TRAPPC12: variants seen among roughly 807,000 people sequenced by gnomAD.
TRAPPC12 encodes the protein trafficking protein particle complex subunit 12.
Under a neutral mutation model 69.2 loss-of-function variants are expected in TRAPPC12, and 61 were observed. The observed-to-expected ratio is 0.88, with a 90% CI of 0.72 to 1.09. The LOEUF is 1.09. Among genes scored for constraint, TRAPPC12 ranks in the 50% least tolerant of loss-of-function variants. TRAPPC12 has a pLI of 0.00. For synonymous variants in TRAPPC12, 469 were observed against 438.9 expected, an observed-to-expected ratio of 1.07 and a Z score of -0.86; for missense variants, 1,101 against 1,016.4, an observed-to-expected ratio of 1.08 and a Z score of -1.13.
At chr2:3,398,195 T>C (rs1318179199) in intron 2 of TRAPPC12, among the ~76,000 whole-genome samples, 1 of 152,222 alleles carries the variant, frequency 6.6e-6, no homozygotes, top group Non-Finnish European at 1.5e-5. Context: ...TTTGTGTCTA[T>C]GTGTTCTCAG....
At chr2:3,413,361 A>G (rs1375259203) in intron 3 of TRAPPC12, among the ~76,000 whole-genome samples, 1 of 152,216 alleles carries the variant, frequency 6.6e-6, no homozygotes, top group African/African-American at 2.4e-5. Flanking sequence ...ACTCATTGTC[A>G]TCCCAGAGAA....
rs527976125 is a variant in TRAPPC12, at chr2:3,444,080, G to T, written c.1530+189G>T. On this transcript the variant is annotated intron_variant, in intron 6 of 11. Transcript: ENST00000324266. ...GTCTCTTGCTGAAATCTTTTTTAGGGATGGTAAGAGTTTCTAGCAGAGCTT... is the reference window on the plus strand; with the variant it reads ...GTCTCTTGCTGAAATCTTTTTTAGGTATGGTAAGAGTTTCTAGCAGAGCTT... Among the ~76,000 whole-genome samples the T allele has an allele frequency of 1.0e-3, 154 of 152,322 alleles. 1 individual carries two copies. Among genetic ancestry groups the T allele is most frequent in the Non-Finnish European group, 1.8e-3 (125 of 68,032 alleles).
intron 2 of TRAPPC12, among the ~76,000 whole-genome samples, chr2:3,399,504 AGGT>A (rs1661303973): frequency 6.6e-6 from 1 of 152,184 alleles, no homozygotes; most frequent in Non-Finnish European, 1.5e-5. Context: ...TGCTGCCCCT[AGGT>A]CTTTTCCTCA....
At position 3,476,739 on chromosome 2, in the gene TRAPPC12, C is replaced by T. The variant is rs114032866; in HGVS notation, c.1777-956C>T. ...GACAGTCTAAGAGTTAACTAGGCTGCTCAGTATGATAGTGATGGGTGCCCC... is the reference window on the plus strand; with the variant it reads ...GACAGTCTAAGAGTTAACTAGGCTGTTCAGTATGATAGTGATGGGTGCCCC... On this transcript the variant is annotated intron_variant, in intron 9 of 11. Transcript: ENST00000324266. Among the ~76,000 whole-genome samples, 799 of 152,340 alleles carry T rather than the reference C, an allele frequency of 5.2e-3. 9 individuals are homozygous for T. Among genetic ancestry groups the T allele is most frequent in the African/African-American group, 0.018 (768 of 41,568 alleles).
At chr2:3,427,415 C>T (rs112598506) in intron 5 of TRAPPC12, among the ~76,000 whole-genome samples, 1,998 of 152,312 alleles carry the variant, frequency 0.013, 45 homozygotes, top group African/African-American at 0.044. Context: ...TAATCGAAAC[C>T]ACCAGATACC....
intron 5 of TRAPPC12, among the ~76,000 whole-genome samples, chr2:3,440,662 T>C (rs970656271): frequency 6.6e-6 from 1 of 152,234 alleles, no homozygotes; most frequent in Non-Finnish European, 1.5e-5. Flanking sequence ...TTTGGTTTTC[T>C]TGTCATTGCA....
At chr2:3,417,326 T>TC (rs1173580804) in intron 3 of TRAPPC12, among the ~76,000 whole-genome samples, 1 of 151,876 alleles carries the variant, frequency 6.6e-6, no homozygotes, top group African/African-American at 2.4e-5. Context: ...CAGCCACGGC[T>TC]CCCCCCACCG....
chr2:3,441,711 TTTA>T (rs1664218317), intron 5 of TRAPPC12, among the ~76,000 whole-genome samples: 1 of 150,968 alleles, frequency 6.6e-6, no homozygotes, highest in Non-Finnish European at 1.5e-5. Context: ...AAATAATATT[TTTA>T]TTATTTTCTT....
rs140823712 is a variant in TRAPPC12 at position 3,478,252 on chromosome 2, C to T, written c.1877+457C>T. ...AACACGCCTTGGACAAAGCCTGCAGCCAGGATCAGAAAGCGTAAATAAAGC... is the reference window on the plus strand; with the variant it reads ...AACACGCCTTGGACAAAGCCTGCAGTCAGGATCAGAAAGCGTAAATAAAGC... On this transcript the variant is annotated intron_variant, in intron 10 of 11. Transcript: ENST00000324266. 2.6e-5 allele frequency among the ~76,000 whole-genome samples: 4 copies of T among 152,298 alleles called. No homozygotes were observed. In the East Asian group the frequency reaches 7.7e-4, roughly 29 times the overall value.
In TRAPPC12 at chr2:3,414,487, G is replaced by A. The variant is rs1418153424; in HGVS notation, c.1165-7394G>A. 6.6e-6 allele frequency among the ~76,000 whole-genome samples: 1 copy of A among 151,950 alleles called. No homozygotes were observed. The highest frequency in any genetic ancestry group is 2.4e-5 in the African/African-American group (1 of 41,356). On this transcript the variant is annotated intron_variant, in intron 3 of 11. Transcript: ENST00000324266. The surrounding 1 kb of genome is among the most constrained non-coding windows in gnomAD (Gnocchi z 4.9). ...GCCACCCTGGGGTCTGCCACTCTGG[G>A]GTCCAGCCTCTAGCTCCAGCTCCAG...
At chr2:3,440,075 G>A (rs1664113385) in intron 5 of TRAPPC12, among the ~76,000 whole-genome samples, 1 of 152,124 alleles carries the variant, frequency 6.6e-6, no homozygotes, top group Non-Finnish European at 1.5e-5. Context: ...GGACCACACA[G>A]TCACCCAGTC....
At position 3,419,099 on chromosome 2, in the gene TRAPPC12, C is replaced by A. The variant is rs112894704; in HGVS notation, c.1165-2782C>A. Among the ~76,000 whole-genome samples, 109 of 152,290 alleles carry A rather than the reference C, an allele frequency of 7.2e-4. 2 individuals are homozygous for A. Among genetic ancestry groups the A allele is most frequent in the African/African-American group, 2.5e-3 (103 of 41,554 alleles). On this transcript the variant is annotated intron_variant, in intron 3 of 11. Transcript: ENST00000324266. ...CACACATTCTGTCCTCTTCTAGGGT[C>A]TCCGCCCCCTCCCCTTCCCTGATTA...
At chr2:3,392,355 C>A (rs940497043) in intron 2 of TRAPPC12, among the ~76,000 whole-genome samples, 1 of 152,116 alleles carries the variant, frequency 6.6e-6, no homozygotes, top group African/African-American at 2.4e-5. Flanking sequence ...GACAGACGGC[C>A]TAGACAAGGG....
chr2:3,474,547 C>T (rs1298225532), intron 9 of TRAPPC12, among the ~76,000 whole-genome samples: 1 of 152,194 alleles, frequency 6.6e-6, no homozygotes, highest in African/African-American at 2.4e-5. Context: ...CCAGACCCAG[C>T]GCACAGTTCC....
At chr2:3,389,415 C>T (rs1487036537) in intron 2 of TRAPPC12, among the ~76,000 whole-genome samples, 5 of 152,240 alleles carry the variant, frequency 3.3e-5, no homozygotes, top group Non-Finnish European at 4.4e-5. Flanking sequence ...TAGGAGCAGG[C>T]TTCACACGGG....
intron 3 of TRAPPC12, among the ~76,000 whole-genome samples, chr2:3,402,948 C>G (rs1186014451): frequency 6.6e-6 from 1 of 152,166 alleles, no homozygotes; most frequent in African/African-American, 2.4e-5. Flanking sequence ...AGTGGGCACA[C>G]TTTCTTGAAG....
intron 1 of TRAPPC12, 69 bp downstream of exon 1, chr2:3,379,945 A>T (rs1179220954): frequency 6.6e-6 from 1 of 152,562 alleles, no homozygotes; most frequent in Non-Finnish European, 1.5e-5. Context: ...GAGGGAGCAC[A>T]CTGGCTTTGG....
chr2:3,399,720 T>G (rs569617229), intron 2 of TRAPPC12, among the ~76,000 whole-genome samples: 62 of 152,328 alleles, frequency 4.1e-4, no homozygotes, highest in African/African-American at 1.4e-3. Flanking sequence ...TGTTCTTCTT[T>G]TAAGTGTCAC....
chr2:3,424,627 T>G lies in TRAPPC12; in HGVS notation c.1381T>G (p.Tyr461Asp). Residue 461 changes from tyrosine to aspartate, a missense_variant, in exon 5 of 12, where the codon TAC (tyrosine) becomes GAC (aspartate). Physicochemically the swap from Tyr to Asp is radical, Grantham distance 160. Transcript: ENST00000324266. Reference sequence around the variant, plus strand: ...AAATCTTGATCAGCCAGATCTTTATTACGAGTACTACCCGCACGTGTACCC... The same window carrying G: ...AAATCTTGATCAGCCAGATCTTTATGACGAGTACTACCCGCACGTGTACCC... ...FGNLDQPDLY[Y>D]EYYPHVYPGR... 6.2e-7 allele frequency: 1 copy of G among 1,613,998 alleles called. No individual in the cohort carries two copies. Among genetic ancestry groups the G allele is most frequent in the Non-Finnish European group, 8.5e-7 (1 of 1,179,966 alleles).
Sources: allele counts gnomAD v4.1 joint callset (sites outside exome capture counted in the v4.1 genomes callset), GRCh38; gene constraint gnomAD v4.1.1; non-coding constraint Gnocchi (gnomAD v3.1); transcripts MANE v1.5; gene names NCBI Gene and HGNC (gene_info 2026-07-23, HGNC 2026-07-21).